The following ROCK2 variants were observed in gnomAD, a reference collection of about 807,000 sequenced individuals.
ROCK2 encodes Rho associated coiled-coil containing protein kinase 2.
Under a neutral mutation model 195.1 loss-of-function variants are expected in ROCK2, and 61 were observed. The ratio of observed to expected loss-of-function variants is 0.31; its 90% CI spans 0.25 to 0.39. ROCK2 has a LOEUF of 0.39. Among genes scored for constraint, ROCK2 ranks in the 10% least tolerant of loss-of-function variants. The probability of loss-of-function intolerance (pLI) is 1.00; values close to 1 mark genes in which losing one functional copy is unlikely to be tolerated. For missense variants in ROCK2, 1,109 were observed against 1,637.4 expected (o/e 0.68, Z 5.57); for synonymous variants, 504 against 545.5 (o/e 0.92, Z 1.06).
intron 3 of ROCK2, among the ~76,000 whole-genome samples, chr2:11,275,334 C>A (rs1204116310): frequency 1.3e-5 from 2 of 152,030 alleles, no homozygotes; most frequent in Non-Finnish European, 2.9e-5. Flanking sequence ...TGGTCTCTCT[C>A]TCTCTTTCAA....
rs1662906950 is a variant in ROCK2 at position 11,179,856 on chromosome 2, A to T, written c.*3581T>A. ...TACTACGAAGATGCAACAAAATTTTAAAAAAGAAAAAGGGGTGCAATTTTT... is the reference window on the plus strand; with the variant it reads ...TACTACGAAGATGCAACAAAATTTTTAAAAAGAAAAAGGGGTGCAATTTTT... On this transcript the variant is annotated 3_prime_UTR_variant, in exon 33 of 33. Transcript: ENST00000315872. 6.6e-6 allele frequency: 1 copy of T among 152,214 alleles called. No individual in the cohort carries two copies. The highest frequency in any genetic ancestry group is 1.5e-5 in the Non-Finnish European group (1 of 68,034). The allele number at this position is 152,214 out of a possible 1,614,324, so 9.4% of individuals were successfully genotyped here. A position where few individuals can be genotyped will look rare whatever the true frequency, so the allele number is the denominator to read the frequency against.
chr2:11,197,444 A>G lies in ROCK2; in HGVS notation c.3279+82T>C. Reference sequence around the variant, plus strand: ...AATAATTATTAAATAGAAATGGTCTATAACCAGTAAAACACAGACATGAAA... The same window carrying G: ...AATAATTATTAAATAGAAATGGTCTGTAACCAGTAAAACACAGACATGAAA... On this transcript the variant is annotated intron_variant, in intron 26 of 32. Coordinates refer to ENST00000315872, the MANE Select transcript of ROCK2 (RefSeq NM_004850.5). This position sits in a 1 kb window ranked among gnomAD's most constrained non-coding sequence, Gnocchi z 4.9. The G allele has an allele frequency of 3.9e-6, 6 of 1,536,972 alleles. No individual in the cohort carries two copies. The highest frequency in any genetic ancestry group is 5.3e-6 in the Non-Finnish European group (6 of 1,127,364).
Position 11,229,513 on chromosome 2 carries a change from T to A in ROCK2, c.724-2115A>T, listed in dbSNP as rs766331390. Among the ~76,000 whole-genome samples the A allele has an allele frequency of 7.0e-4, 106 of 150,752 alleles. 1 individual carries two copies. Among genetic ancestry groups the A allele is most frequent in the Non-Finnish European group, 1.3e-3 (85 of 67,824 alleles). On this transcript the variant is annotated intron_variant, in intron 5 of 32. Transcript: ENST00000315872. ...GGAGCAAGTGACTCTTCTCTGAGCA[T>A]ACATTTTGCATGGCTCTATCTCCTA...
At chr2:11,325,053 A>C (rs1482911041) in intron 1 of ROCK2, among the ~76,000 whole-genome samples, 1 of 152,230 alleles carries the variant, frequency 6.6e-6, no homozygotes, top group Non-Finnish European at 1.5e-5. Context: ...ATACAAACCA[A>C]TTCTCCATTA....
rs376149475 is a variant in ROCK2 at position 11,192,326 on chromosome 2, A to G, written c.3985T>C (p.Leu1329=). Residue 1329 remains leucine (L), a synonymous_variant, in exon 32 of 33, where the codon TTA becomes CTA. Coordinates refer to ENST00000315872, the MANE Select transcript of ROCK2 (RefSeq NM_004850.5). This position sits in a 1 kb window ranked among gnomAD's most constrained non-coding sequence, Gnocchi z 5.0. The part of the protein sequence containing the change: ...YDISTAKNLL[L]LANSTEEQQK... ...TGCTCTTCTGTAGAATTTGCTAGTA[A>G]TAACAGATTCTTTGCCGTTGAAATA... 51 of 1,613,542 alleles carry G rather than the reference A, an allele frequency of 3.2e-5. No homozygotes were observed. The Middle Eastern group carries it at 6.6e-4, about 21-fold the overall frequency.
At chr2:11,217,873 T>C (rs1664488285) in intron 11 of ROCK2, 1 of 152,870 alleles carries the variant, frequency 6.5e-6, no homozygotes, top group African/African-American at 2.4e-5. Context: ...ACAAATGTTG[T>C]CTTGTTAATA....
intron 4 of ROCK2, among the ~76,000 whole-genome samples, chr2:11,239,691 A>C (rs1354704801): frequency 6.6e-6 from 1 of 152,146 alleles, no homozygotes; most frequent in East Asian, 1.9e-4. Context: ...TTCCACCCCA[A>C]CTGGGTGTTC....
At chr2:11,233,127 T>TC (rs1326583635) in intron 5 of ROCK2, among the ~76,000 whole-genome samples, 5 of 152,214 alleles carry the variant, frequency 3.3e-5, no homozygotes, top group Non-Finnish European at 7.4e-5. Context: ...GGAGGGAGGA[T>TC]CCCTTGAGCC....
At chr2:11,290,868 A>G (rs1333591306) in intron 1 of ROCK2, among the ~76,000 whole-genome samples, 3 of 152,184 alleles carry the variant, frequency 2.0e-5, no homozygotes, top group Non-Finnish European at 4.4e-5. Flanking sequence ...CAAGTTTCAT[A>G]TGAATCTGCA....
chr2:11,222,462 T>C (rs954804293), intron 7 of ROCK2, among the ~76,000 whole-genome samples: 6 of 152,140 alleles, frequency 3.9e-5, no homozygotes, highest in Non-Finnish European at 8.8e-5. Context: ...AGTAAAAAAA[T>C]TCACCTGCAT....
chr2:11,310,776 C>T (rs188083742), intron 1 of ROCK2, among the ~76,000 whole-genome samples: 18 of 152,046 alleles, frequency 1.2e-4, no homozygotes, highest in African/African-American at 4.3e-4. Context: ...ATATAACACA[C>T]ACTGACCACA....
At chr2:11,195,056 GAT>G (rs1382778213) in intron 27 of ROCK2, 31 bp from the exon 28 acceptor site, 1 of 1,254,916 alleles carries the variant, frequency 8.0e-7, no homozygotes, top group Non-Finnish European at 1.1e-6. Context: ...TGAGGCTAAA[GAT>G]AACAATTCTC....
intron 1 of ROCK2, among the ~76,000 whole-genome samples, chr2:11,329,701 A>AC (rs1668660149): frequency 7.4e-5 from 1 of 13,502 alleles, no homozygotes; most frequent in Non-Finnish European, 4.5e-4. Flanking sequence ...CCATTTTTAC[A>AC]AAAAAAAAAA....
rs146327951 is a variant in ROCK2 at position 11,304,273 on chromosome 2, C to T, written c.142-16537G>A. Among the ~76,000 whole-genome samples, 1,090 of 152,234 alleles carry T rather than the reference C, an allele frequency of 7.2e-3. 15 individuals carry two copies. The highest frequency in any genetic ancestry group is 0.025 in the African/African-American group (1,038 of 41,532). ...CAATAATGTCCAAAACTATGCCCTA[C>T]CCCTTCCTTTTCCTACTACAACCAC... On this transcript the variant is annotated intron_variant, in intron 1 of 32. Coordinates refer to ENST00000315872, the MANE Select transcript of ROCK2 (RefSeq NM_004850.5).
intron 8 of ROCK2, 79 bp downstream of exon 8, chr2:11,222,004 G>A (rs1664654085): frequency 1.2e-6 from 1 of 816,034 alleles, no homozygotes; most frequent in Non-Finnish European, 2.1e-6. Context: ...TATCAAATAT[G>A]CTTGTTATTT....
chr2:11,283,492 C>T lies in ROCK2; in HGVS notation c.324+3047G>A, dbSNP rs1402290790. On this transcript the variant is annotated intron_variant, in intron 3 of 32. Coordinates refer to ENST00000315872, the MANE Select transcript of ROCK2 (RefSeq NM_004850.5). ...AGGAGAATGGCGTGAACCCGGGAAGCGGAGCTTGCAGTGAGCCGAGATTGC... is the reference window on the plus strand; with the variant it reads ...AGGAGAATGGCGTGAACCCGGGAAGTGGAGCTTGCAGTGAGCCGAGATTGC... Among the ~76,000 whole-genome samples, 10 of 141,568 alleles carry T rather than the reference C, an allele frequency of 7.1e-5. No homozygotes were observed. The East Asian group carries it at 1.1e-3, about 15-fold the overall frequency. The allele number at this position is 141,568 out of a possible 152,430, so 92.9% of individuals were successfully genotyped here.
At chr2:11,196,493 A>G (rs1349153149) in intron 27 of ROCK2, among the ~76,000 whole-genome samples, 1 of 152,256 alleles carries the variant, frequency 6.6e-6, no homozygotes, top group Admixed American at 6.5e-5. Flanking sequence ...TCTATCAATT[A>G]TAACAGCAAT....
At chr2:11,326,510 C>T (rs2148256397) in intron 1 of ROCK2, among the ~76,000 whole-genome samples, 1 of 152,278 alleles carries the variant, frequency 6.6e-6, no homozygotes, top group Admixed American at 6.5e-5. Context: ...AGTACACAAG[C>T]TTGGGGCTTT....
chr2:11,310,739 AGGTTGTATATACAACC>A (rs1291246298), intron 1 of ROCK2, among the ~76,000 whole-genome samples: 1 of 152,160 alleles, frequency 6.6e-6, no homozygotes, highest in Non-Finnish European at 1.5e-5. Flanking sequence ...AAAGAATCAT[AGGTTGTATATACAACC>A]TATGTCTGTT....
Sources: gnomAD v4.1 joint callset for allele counts (sites outside exome capture counted in the v4.1 genomes callset) on GRCh38, gnomAD v4.1.1 for gene constraint, Gnocchi (gnomAD v3.1) non-coding constraint, MANE v1.5 for transcripts, NCBI Gene and HGNC (gene_info 2026-07-23, HGNC 2026-07-21) for gene names.